The following NOL4L variants were observed in gnomAD, a reference collection of about 807,000 sequenced individuals.
The protein encoded by NOL4L is nucleolar protein 4 like.
In NOL4L, 7 loss-of-function variants were observed where a neutral mutation model predicts 64.5. The observed-to-expected ratio is 0.11, with a 90% CI of 0.06 to 0.20. The LOEUF (loss-of-function observed/expected upper bound fraction) is 0.20. NOL4L is among the 10% of genes least tolerant of loss of function. The probability of loss-of-function intolerance (pLI) is 1.00; values close to 1 mark genes in which losing one functional copy is unlikely to be tolerated. For synonymous variants in NOL4L, 413 were observed against 401.0 expected, an observed-to-expected ratio of 1.03 and a Z score of -0.36; for missense variants, 680 against 967.1, an observed-to-expected ratio of 0.70 and a Z score of 3.94.
At chr20:32,563,265 G>T (rs368204514) in intron 1 of NOL4L, among the ~76,000 whole-genome samples, 6 of 119,980 alleles carry the variant, frequency 5.0e-5, no homozygotes, top group Admixed American at 2.5e-4. Context: ...CAGGGAGGGT[G>T]GGGAGGGAGA....
intron 1 of NOL4L, among the ~76,000 whole-genome samples, chr20:32,552,286 G>T (rs1338456011): frequency 6.6e-6 from 1 of 152,158 alleles, no homozygotes; most frequent in Non-Finnish European, 1.5e-5. Context: ...AGAAATAACA[G>T]TGATTTCGCC....
chr20:32,451,538 C>T (rs2012903214), intron 10 of NOL4L: 1 of 152,326 alleles, frequency 6.6e-6, no homozygotes, highest in Non-Finnish European at 1.5e-5. Context: ...GGGGCTGTCT[C>T]CTCTAATGGT....
intron 2 of NOL4L, among the ~76,000 whole-genome samples, 159 bp downstream of exon 2, chr20:32,527,599 G>A (rs2018178998): frequency 1.3e-5 from 2 of 152,058 alleles, no homozygotes; most frequent in Admixed American, 1.3e-4. Context: ...AGCCATCTCT[G>A]GCTGCCGTGC....
intron 4 of NOL4L, among the ~76,000 whole-genome samples, chr20:32,489,792 AGAGT>A (rs2016380114): frequency 6.6e-6 from 1 of 151,658 alleles, no homozygotes; most frequent in Admixed American, 6.6e-5. Flanking sequence ...CCTGGGTGAC[AGAGT>A]GAGACTCCCT....
At chr20:32,515,736 T>C (rs572823148) in intron 3 of NOL4L, among the ~76,000 whole-genome samples, 1 of 152,204 alleles carries the variant, frequency 6.6e-6, no homozygotes, top group Admixed American at 6.5e-5. Flanking sequence ...CTCGAGCCTC[T>C]ACAAATGACC....
chr20:32,455,766 A>T (rs368131855), intron 6 of NOL4L, among the ~76,000 whole-genome samples: 1 of 152,234 alleles, frequency 6.6e-6, no homozygotes, highest in East Asian at 1.9e-4. Context: ...GAGGCCTCGT[A>T]CCTGGCTGTG....
intron 2 of NOL4L, among the ~76,000 whole-genome samples, chr20:32,522,525 A>T (rs934816407): frequency 6.6e-6 from 1 of 151,994 alleles, no homozygotes; most frequent in Non-Finnish European, 1.5e-5. Context: ...TGTGGCCACC[A>T]CTCTACCCCT....
chr20:32,548,690 C>A, intron 1 of NOL4L: 1 of 328,314 alleles, frequency 3.0e-6, no homozygotes. Context: ...TCTGTATCAT[C>A]TCCAAAAGCA....
chr20:32,502,445 T>C (rs2016959071), intron 4 of NOL4L, among the ~76,000 whole-genome samples: 1 of 149,358 alleles, frequency 6.7e-6, no homozygotes, highest in East Asian at 2.0e-4. Flanking sequence ...GTACAAAAAT[T>C]AGCTGGGTTT....
At chr20:32,579,647 C>T (rs1401444673) in intron 1 of NOL4L, among the ~76,000 whole-genome samples, 2 of 152,172 alleles carry the variant, frequency 1.3e-5, no homozygotes, top group Non-Finnish European at 2.9e-5. Context: ...TGTCCCCACC[C>T]CTCAGCAGAC....
chr20:32,542,357 A>T (rs571009842), intron 1 of NOL4L, among the ~76,000 whole-genome samples: 39 of 152,228 alleles, frequency 2.6e-4, no homozygotes, highest in African/African-American at 8.2e-4. Flanking sequence ...ACTTCTTTTT[A>T]AAAAAATTTT....
At chr20:32,480,829 G>T (rs1384384880) in intron 4 of NOL4L, among the ~76,000 whole-genome samples, 1 of 152,180 alleles carries the variant, frequency 6.6e-6, no homozygotes, top group Non-Finnish European at 1.5e-5. Flanking sequence ...GCTCCTGGGG[G>T]GTGTGGGGTC....
At chr20:32,533,952 G>A (rs2018428686) in intron 1 of NOL4L, among the ~76,000 whole-genome samples, 1 of 152,218 alleles carries the variant, frequency 6.6e-6, no homozygotes, top group African/African-American at 2.4e-5. Context: ...CCAATTAAAT[G>A]GACCCCTGCC....
chr20:32,527,740 AAG>A lies in NOL4L; in HGVS notation c.477+16_477+17del. 6.5e-7 allele frequency: 1 copy of A among 1,540,934 alleles called. No homozygotes were observed. Among genetic ancestry groups the A allele is most frequent in the Non-Finnish European group, 8.8e-7 (1 of 1,139,960 alleles). On this transcript the variant is annotated intron_variant, in intron 2 of 10. Coordinates refer to ENST00000621426, the MANE Select transcript of NOL4L (RefSeq NM_001256798.2). ...AGGCCTGGGGCTGCCAGTGGAGGCA[AAG>A]AGACAGAAATCTCACCGCTCGGTAG...
chr20:32,533,211 C>G (rs1250569617), intron 1 of NOL4L, among the ~76,000 whole-genome samples: 1 of 152,202 alleles, frequency 6.6e-6, no homozygotes, highest in Non-Finnish European at 1.5e-5. Context: ...CATTTGGGTT[C>G]TAAATGAAAA....
chr20:32,566,434 C>T (rs1979435206), intron 1 of NOL4L, among the ~76,000 whole-genome samples: 2 of 152,156 alleles, frequency 1.3e-5, no homozygotes, highest in South Asian at 4.1e-4. Context: ...TCACTGACTC[C>T]CGTGGGGACA....
chr20:32,449,891 G>A (rs755314757), intron 10 of NOL4L: 3 of 152,404 alleles, frequency 2.0e-5, no homozygotes, highest in Admixed American at 6.5e-5. Flanking sequence ...CAGTGGTCCC[G>A]GTTCCTTTCT....
intron 1 of NOL4L, among the ~76,000 whole-genome samples, chr20:32,567,079 A>C (rs990091978): frequency 6.6e-6 from 1 of 152,110 alleles, no homozygotes; most frequent in African/African-American, 2.4e-5. Context: ...CCCTCTCTTT[A>C]CTGGCATGGA....
chr20:32,508,648 A>G (rs1234348582), intron 4 of NOL4L, among the ~76,000 whole-genome samples: 1 of 148,712 alleles, frequency 6.7e-6, no homozygotes, highest in Non-Finnish European at 1.5e-5. Flanking sequence ...CTACTAATGA[A>G]GCTGAGGAAG....
Sources: allele counts gnomAD v4.1 joint callset (sites outside exome capture counted in the v4.1 genomes callset), GRCh38; gene constraint gnomAD v4.1.1; transcripts MANE v1.5; gene names NCBI Gene and HGNC (gene_info 2026-07-23, HGNC 2026-07-21).